Variants in CYP4B1 observed in about 807,000 individuals in gnomAD.
CYP4B1 encodes the protein cytochrome P450 family 4 subfamily B member 1.
CYP4B1 carries 45 observed loss-of-function variants against 54.0 expected under a neutral mutation model. The ratio of observed to expected loss-of-function variants is 0.83; its 90% CI spans 0.66 to 1.07. The LOEUF (loss-of-function observed/expected upper bound fraction) is 1.07. CYP4B1 is among the 50% of genes least tolerant of loss of function. CYP4B1 has a pLI of 0.00. For missense variants in CYP4B1, 656 were observed against 655.4 expected (o/e 1.00, Z -0.01); for synonymous variants, 248 against 247.5 (o/e 1.00, Z -0.02).
intron 7 of CYP4B1, 97 bp from the exon 8 acceptor site, chr1:46,814,977 C>G: frequency 9.0e-7 from 1 of 1,105,974 alleles, no homozygotes; most frequent in Admixed American, 1.9e-5. Flanking sequence ...CTTTCACTCC[C>G]TCCCAGAGAC....
In CYP4B1 at chr1:46,817,132, C is replaced by T. The variant is rs750429274; in HGVS notation, c.1158C>T (p.Arg386=). The T allele has an allele frequency of 1.2e-6, 2 of 1,614,062 alleles. No individual in the cohort carries two copies. The highest frequency in any genetic ancestry group is 4.5e-5 in the East Asian group (2 of 44,896). The change falls in exon 9 of 12, where the codon CGC becomes CGT. Residue 386 remains arginine, a synonymous_variant. Coordinates refer to ENST00000371923, the MANE Select transcript of CYP4B1 (RefSeq NM_001099772.2). The part of the protein sequence containing the change: ...RLYPPVPQVY[R]QLSKPVTFVD... ...ACCCACCTGTGCCCCAGGTGTACCG[C>T]CAGCTCAGCAAGCCTGTCACCTTTG...
At position 46,799,319 on chromosome 1, in the gene CYP4B1, A is replaced by T. The variant is rs56181920; in HGVS notation, c.180+58A>T. 76 of 1,482,856 alleles carry T rather than the reference A, an allele frequency of 5.1e-5. No individual in the cohort carries two copies. The East Asian group carries it at 1.6e-3, about 31-fold the overall frequency. The allele number at this position is 1,482,856 out of a possible 1,614,324, so 91.9% of individuals were successfully genotyped here. ...AAAACATCCTCCCTCCTTTCAGAGAATCAGGCCTAATTCCCAGGGGGCTGT... is the reference window on the plus strand; with the variant it reads ...AAAACATCCTCCCTCCTTTCAGAGATTCAGGCCTAATTCCCAGGGGGCTGT... On this transcript the variant is annotated intron_variant, in intron 1 of 11. Coordinates refer to ENST00000371923, the MANE Select transcript of CYP4B1 (RefSeq NM_001099772.2).
chr1:46,815,301 C>T (rs759047880), intron 8 of CYP4B1, 37 bp downstream of exon 8: 5 of 1,507,494 alleles, frequency 3.3e-6, no homozygotes, highest in Admixed American at 4.5e-5. Context: ...TCCTGCTCAG[C>T]CCTTGGGAAG....
rs773666098 is a variant in CYP4B1, at chr1:46,810,816, G to T, written c.189G>T (p.Glu63Asp). ...WLFGHALEIQ[E>D]TGSLDKVVSW... ...TTCTGTCATCATTTCAGATCCAGGA[G>T]ACGGGGAGCCTGGACAAAGTGGTGT... The change falls in exon 2 of 12, where the codon GAG becomes GAT. Residue 63 changes from glutamate to aspartate, a missense_variant. Coordinates refer to ENST00000371923, the MANE Select transcript of CYP4B1 (RefSeq NM_001099772.2). 6.2e-7 allele frequency: 1 copy of T among 1,614,184 alleles called. No homozygotes were observed. The highest frequency in any genetic ancestry group is 8.5e-7 in the Non-Finnish European group (1 of 1,180,020).
intron 11 of CYP4B1, 150 bp downstream of exon 11, chr1:46,818,363 A>T: frequency 1.3e-6 from 1 of 794,614 alleles, no homozygotes; most frequent in Non-Finnish European, 2.0e-6. Flanking sequence ...TCTTCTTGCA[A>T]TTATCATATT....
intron 9 of CYP4B1, 147 bp from the exon 10 acceptor site, chr1:46,817,818 G>T: frequency 1.4e-6 from 1 of 709,166 alleles, no homozygotes; most frequent in Non-Finnish European, 2.5e-6. Context: ...TGATGAGTCG[G>T]ATGTGGTCAT....
At chr1:46,816,182 C>T (rs1466491396) in intron 8 of CYP4B1, among the ~76,000 whole-genome samples, 3 of 152,098 alleles carry the variant, frequency 2.0e-5, no homozygotes, top group Non-Finnish European at 1.5e-5. Flanking sequence ...CCATGCTGCT[C>T]GTGGGGAGTT....
chr1:46,804,008 T>C (rs552511972), intron 1 of CYP4B1, among the ~76,000 whole-genome samples: 1 of 152,328 alleles, frequency 6.6e-6, no homozygotes, highest in African/African-American at 2.4e-5. Context: ...GGGTTGATTA[T>C]GATTCTGGAC....
Position 46,812,575 on chromosome 1 carries a change from G to A in CYP4B1, c.447G>A (p.Val149=), listed in dbSNP as rs776907431. 40 of 1,614,002 alleles carry A rather than the reference G, an allele frequency of 2.5e-5. No homozygotes were observed. In the South Asian group the frequency reaches 4.2e-4, roughly 17 times the overall value. ...KLLTPGFHYD[V]LKPYVAVFTE... is the part of the protein sequence containing the mutation. ...TCACACCTGGCTTTCATTATGATGTGCTGAAGCCCTATGTGGCCGTGTTCA... is the reference window on the plus strand; with the variant it reads ...TCACACCTGGCTTTCATTATGATGTACTGAAGCCCTATGTGGCCGTGTTCA... Residue 149 remains valine (V), a synonymous_variant, in exon 4 of 12, where the codon GTG becomes GTA. Coordinates refer to ENST00000371923, the MANE Select transcript of CYP4B1 (RefSeq NM_001099772.2).
intron 1 of CYP4B1, among the ~76,000 whole-genome samples, chr1:46,800,306 C>CT (rs1678602217): frequency 1.0e-5 from 1 of 99,756 alleles, no homozygotes; most frequent in Non-Finnish European, 2.0e-5. Context: ...TCCTTCTTTC[C>CT]TTCCTTCTCT....
intron 1 of CYP4B1, among the ~76,000 whole-genome samples, chr1:46,810,009 C>T (rs1171086284): frequency 2.0e-5 from 3 of 152,194 alleles, no homozygotes; most frequent in Non-Finnish European, 4.4e-5. Flanking sequence ...TCAAGCTCAT[C>T]CCAGGTGACT....
At chr1:46,804,267 G>A (rs1036328151) in intron 1 of CYP4B1, among the ~76,000 whole-genome samples, 1 of 152,084 alleles carries the variant, frequency 6.6e-6, no homozygotes, top group Non-Finnish European at 1.5e-5. Context: ...GCCAGGGAGG[G>A]TGCTGGATTC....
chr1:46,812,751 T>G (rs543934360), intron 4 of CYP4B1, 128 bp downstream of exon 4: 1 of 1,094,262 alleles, frequency 9.1e-7, no homozygotes, highest in East Asian at 2.4e-5. Flanking sequence ...CCAAGGCCTG[T>G]TCTGCCTGCA....
intron 1 of CYP4B1, among the ~76,000 whole-genome samples, chr1:46,804,910 G>A (rs1678797479): frequency 6.6e-6 from 1 of 152,142 alleles, no homozygotes; most frequent in African/African-American, 2.4e-5. Flanking sequence ...TGGCAGCCCT[G>A]CCCCTTACTC....
At chr1:46,818,498 C>A in intron 11 of CYP4B1, 133 bp from the exon 12 acceptor site, 1 of 959,716 alleles carries the variant, frequency 1.0e-6, no homozygotes, top group Non-Finnish European at 1.6e-6. Context: ...GTTTCATAAG[C>A]CCAGGTCAAC....
At chr1:46,807,163 G>T (rs1678892969) in intron 1 of CYP4B1, among the ~76,000 whole-genome samples, 1 of 152,170 alleles carries the variant, frequency 6.6e-6, no homozygotes, top group African/African-American at 2.4e-5. Flanking sequence ...AATCTAAAGA[G>T]CTAGGAGAAA....
In CYP4B1 at chr1:46,814,279, G is replaced by C; in HGVS notation, c.846G>C (p.Arg282Ser). ...TGCGGAAGAAGATCCAGAACCGGAG[G>C]CACCTGGACTTCCTGGACATTCTCC... ...EKVRKKIQNR[R>S]HLDFLDILLG... Residue 282 changes from arginine to serine, a missense_variant, in exon 7 of 12, where the codon AGG becomes AGC. Coordinates refer to ENST00000371923, the MANE Select transcript of CYP4B1 (RefSeq NM_001099772.2). 1.9e-6 allele frequency: 3 copies of C among 1,614,122 alleles called. No individual in the cohort carries two copies. Among genetic ancestry groups the C allele is most frequent in the Non-Finnish European group, 1.7e-6 (2 of 1,180,020 alleles).
chr1:46,800,134 C>T (rs1166781379), intron 1 of CYP4B1, among the ~76,000 whole-genome samples: 2 of 151,780 alleles, frequency 1.3e-5, no homozygotes, highest in East Asian at 3.9e-4. Flanking sequence ...CTCTCTTTTT[C>T]CTTTCCTTTC....
intron 8 of CYP4B1, among the ~76,000 whole-genome samples, chr1:46,815,630 A>G (rs4646493): frequency 0.19 from 29,067 of 152,148 alleles, 3,395 homozygotes; most frequent in African/African-American, 0.33. Context: ...AACAGAGCTG[A>G]GACAGCTGGG....
Sources: allele counts gnomAD v4.1 joint callset (sites outside exome capture counted in the v4.1 genomes callset), GRCh38; gene constraint gnomAD v4.1.1; transcripts MANE v1.5; gene names NCBI Gene and HGNC (gene_info 2026-07-23, HGNC 2026-07-21).